Variants in CRTAC1 observed in about 807,000 individuals in gnomAD.
The protein encoded by CRTAC1 is acidic secreted protein in cartilage.
In CRTAC1, 37 loss-of-function variants were observed where a neutral mutation model predicts 67.8. The ratio of observed to expected loss-of-function variants is 0.55; its 90% CI spans 0.42 to 0.72. The LOEUF (loss-of-function observed/expected upper bound fraction) is 0.72. CRTAC1 is among the 30% of genes least tolerant of loss of function. The pLI, the probability that CRTAC1 is intolerant of heterozygous loss-of-function variation, is 0.00. For synonymous variants in CRTAC1, 348 were observed against 371.0 expected (o/e 0.94, Z 0.71); for missense variants, 780 against 931.6 (o/e 0.84, Z 2.12).
chr10:97,912,010 C>A (rs974609215), intron 5 of CRTAC1, among the ~76,000 whole-genome samples: 3 of 152,174 alleles, frequency 2.0e-5, no homozygotes, highest in Non-Finnish European at 2.9e-5. Flanking sequence ...GGAGACACCA[C>A]GGCACCGGGG....
At chr10:98,016,634 A>G (rs1843004251) in intron 1 of CRTAC1, among the ~76,000 whole-genome samples, 1 of 152,150 alleles carries the variant, frequency 6.6e-6, no homozygotes, top group South Asian at 2.1e-4. Flanking sequence ...GCCACCACCC[A>G]GGTCCCTTAC....
intron 11 of CRTAC1, among the ~76,000 whole-genome samples, chr10:97,886,292 A>T (rs572570737): frequency 6.6e-6 from 1 of 152,328 alleles, no homozygotes; most frequent in East Asian, 1.9e-4. Flanking sequence ...TATCACTGGA[A>T]CATCCCAGCC....
At chr10:97,910,662 A>C (rs949843278) in intron 5 of CRTAC1, among the ~76,000 whole-genome samples, 3 of 152,208 alleles carry the variant, frequency 2.0e-5, no homozygotes, top group Non-Finnish European at 4.4e-5. Context: ...TATTTGAGAC[A>C]GGGGTTCTCT....
At chr10:97,932,470 G>A (rs1027843217) in intron 3 of CRTAC1, among the ~76,000 whole-genome samples, 10 of 152,172 alleles carry the variant, frequency 6.6e-5, no homozygotes, top group East Asian at 1.9e-4. Flanking sequence ...AACAAAAATC[G>A]CCTGTTTTCA....
At chr10:97,876,724 A>C (rs765085657) in intron 14 of CRTAC1, among the ~76,000 whole-genome samples, 10 of 152,198 alleles carry the variant, frequency 6.6e-5, no homozygotes, top group Non-Finnish European at 1.3e-4. Flanking sequence ...GGGAAAAGAC[A>C]GACTTATCTG....
rs749919406 is a variant in CRTAC1, at chr10:98,024,746, C to CTTTTTT, written c.24+5697_24+5702dup. Among the ~76,000 whole-genome samples, 12 of 65,026 alleles carry CTTTTTT rather than the reference C, an allele frequency of 1.8e-4. 2 individuals are homozygous for CTTTTTT. Among genetic ancestry groups the CTTTTTT allele is most frequent in the Non-Finnish European group, 3.5e-4 (11 of 31,418 alleles). 42.7% of individuals were successfully genotyped at this position (65,026 alleles called of 152,430 possible). ...CTCTAAAGAGAATGATTATATTATCCTTTTTTTTTTTTTTTTTTTTTTTTT... is the reference window on the plus strand; with the variant it reads ...CTCTAAAGAGAATGATTATATTATCCTTTTTTTTTTTTTTTTTTTTTTTTTTTTTTT... On this transcript the variant is annotated intron_variant, in intron 1 of 14. Coordinates refer to ENST00000370597, the MANE Select transcript of CRTAC1 (RefSeq NM_018058.7).
At position 97,967,004 on chromosome 10, in the gene CRTAC1, C is replaced by A. The variant is rs375422632; in HGVS notation, c.225-30638G>T. Among the ~76,000 whole-genome samples, 1,176 of 150,084 alleles carry A rather than the reference C, an allele frequency of 7.8e-3. 13 individuals carry two copies. The highest frequency in any genetic ancestry group is 0.012 in the Non-Finnish European group (801 of 67,584). ...TCCATTGTAAAGTCACCCCCCCCCC[C>A]CCGACATCCTACATGCTTCAGAAGG... On this transcript the variant is annotated intron_variant, in intron 2 of 14. Coordinates refer to ENST00000370597, the MANE Select transcript of CRTAC1 (RefSeq NM_018058.7).
chr10:97,986,140 C>G (rs1187669007), intron 2 of CRTAC1, among the ~76,000 whole-genome samples: 1 of 152,216 alleles, frequency 6.6e-6, no homozygotes, highest in Non-Finnish European at 1.5e-5. Context: ...TGGCCCAGGA[C>G]TGGGAGGGAG....
chr10:97,987,219 C>G (rs1277539033), intron 2 of CRTAC1, among the ~76,000 whole-genome samples: 1 of 152,172 alleles, frequency 6.6e-6, no homozygotes, highest in Non-Finnish European at 1.5e-5. Flanking sequence ...CCCCTTGGTC[C>G]CCAGAGACAT....
At chr10:97,996,973 A>T (rs1842586516) in intron 2 of CRTAC1, among the ~76,000 whole-genome samples, 1 of 151,188 alleles carries the variant, frequency 6.6e-6, no homozygotes, top group Admixed American at 6.6e-5. Context: ...TTCTCAGTAA[A>T]CTATCGCAAG....
intron 3 of CRTAC1, 43 bp downstream of exon 3, chr10:97,936,127 G>A: frequency 6.5e-7 from 1 of 1,535,936 alleles, no homozygotes; most frequent in Non-Finnish European, 8.8e-7. Flanking sequence ...TACTGGGAGG[G>A]AGAAGATGGG....
At chr10:97,922,712 C>A in intron 4 of CRTAC1, among the ~76,000 whole-genome samples, 1 of 152,204 alleles carries the variant, frequency 6.6e-6, no homozygotes, top group Non-Finnish European at 1.5e-5. Context: ...GTGTAGGGTG[C>A]ACTTGCAGAG....
intron 5 of CRTAC1, among the ~76,000 whole-genome samples, chr10:97,910,305 T>C (rs1392612130): frequency 6.6e-6 from 1 of 152,240 alleles, no homozygotes; most frequent in Admixed American, 6.5e-5. Context: ...TGTTGTACGA[T>C]GAGCTGTATG....
chr10:97,882,356 C>T (rs1009303796), intron 13 of CRTAC1, among the ~76,000 whole-genome samples: 1 of 152,220 alleles, frequency 6.6e-6, no homozygotes, highest in Non-Finnish European at 1.5e-5. Flanking sequence ...CTGCAGTCTC[C>T]GTTCCACACT....
At chr10:97,985,448 T>C (rs1260899167) in intron 2 of CRTAC1, among the ~76,000 whole-genome samples, 1 of 152,132 alleles carries the variant, frequency 6.6e-6, no homozygotes, top group Non-Finnish European at 1.5e-5. Flanking sequence ...CCCTGCTCCT[T>C]TCCCTCAGAG....
Position 97,935,264 on chromosome 10 carries a change from G to T in CRTAC1, c.421+906C>A, listed in dbSNP as rs545000608. On this transcript the variant is annotated intron_variant, in intron 3 of 14. Transcript: ENST00000370597. ...CATTTACCAGTACCTACTAATCGAG[G>T]TGTGTGAGGCCTAAATGAGATAATT... Among the ~76,000 whole-genome samples, 18 of 152,344 alleles carry T rather than the reference G, an allele frequency of 1.2e-4. No homozygotes were observed. The South Asian group carries it at 3.5e-3, about 30-fold the overall frequency.
intron 3 of CRTAC1, among the ~76,000 whole-genome samples, chr10:97,931,862 C>T (rs969148044): frequency 5.9e-5 from 9 of 152,192 alleles, no homozygotes; most frequent in Admixed American, 6.5e-5. Context: ...TGACCAGGAG[C>T]TGCAGAACAT....
At chr10:97,938,302 C>G (rs971394068) in intron 2 of CRTAC1, among the ~76,000 whole-genome samples, 1 of 152,210 alleles carries the variant, frequency 6.6e-6, no homozygotes, top group Admixed American at 6.5e-5. Context: ...CCTGTGAGGG[C>G]TGAACACGAG....
chr10:97,989,671 T>C (rs1252043671), intron 2 of CRTAC1, among the ~76,000 whole-genome samples: 1 of 152,260 alleles, frequency 6.6e-6, no homozygotes, highest in Admixed American at 6.5e-5. Flanking sequence ...TTCTTTTCTC[T>C]TATTGGAGAA....
Sources: allele counts gnomAD v4.1 joint callset (sites outside exome capture counted in the v4.1 genomes callset), GRCh38; gene constraint gnomAD v4.1.1; transcripts MANE v1.5; gene names NCBI Gene and HGNC (gene_info 2026-07-23, HGNC 2026-07-21).